CACNA1B: variants seen among roughly 807,000 people sequenced by gnomAD.
The protein encoded by CACNA1B is voltage-dependent N-type calcium channel subunit alpha-1B.
A neutral mutation model predicts 247.2 loss-of-function variants in CACNA1B; 70 were observed. The ratio of observed to expected loss-of-function variants is 0.28; its 90% CI spans 0.23 to 0.35. The LOEUF (loss-of-function observed/expected upper bound fraction) is 0.35, where lower values mean the gene tolerates loss of function less well. CACNA1B is among the 10% of genes least tolerant of loss of function. The pLI, the probability that CACNA1B is intolerant of heterozygous loss-of-function variation, is 1.00. For synonymous variants in CACNA1B, 1,231 were observed against 1,294.4 expected, an observed-to-expected ratio of 0.95 and a Z score of 1.05; for missense variants, 2,367 against 3,197.4, an observed-to-expected ratio of 0.74 and a Z score of 6.26.
At chr9:138,039,563 C>T (rs1959091382) in intron 20 of CACNA1B, among the ~76,000 whole-genome samples, 1 of 151,774 alleles carries the variant, frequency 6.6e-6, no homozygotes, top group Admixed American at 6.6e-5. Flanking sequence ...CATTTTTGAC[C>T]CATGAATTCT....
chr9:138,098,106 C>T (rs564152688), intron 37 of CACNA1B, among the ~76,000 whole-genome samples: 1 of 152,298 alleles, frequency 6.6e-6, no homozygotes, highest in East Asian at 1.9e-4. Context: ...ACAGTTTTTA[C>T]GCAGTGCAAA....
intron 36 of CACNA1B, among the ~76,000 whole-genome samples, chr9:138,089,958 A>T (rs1960823624): frequency 6.6e-6 from 1 of 152,228 alleles, no homozygotes; most frequent in African/African-American, 2.4e-5. Context: ...AGGACACACA[A>T]AAAATAGAAA....
rs868716146 is a variant in CACNA1B, at chr9:137,954,883, A to G, written c.1071-815A>G. ...GTGTGTGTGTGTGTGTGTGTGTGAG[A>G]GAGAGAGAGAGAGAGAGAGGGGGAG... is the stretch of plus-strand genomic sequence containing the variant. On this transcript the variant is annotated intron_variant, in intron 7 of 46. Transcript: ENST00000371372. This position sits in a 1 kb window ranked among gnomAD's most constrained non-coding sequence, Gnocchi z 4.1. Among the ~76,000 whole-genome samples, 1 of 89,770 alleles carries G rather than the reference A, an allele frequency of 1.1e-5. No individual in the cohort carries two copies. The highest frequency in any genetic ancestry group is 1.0e-4 in the African/African-American group (1 of 9,980). The allele number at this position is 89,770 out of a possible 152,430, so 58.9% of individuals were successfully genotyped here.
chr9:137,916,648 C>A (rs1310872048), intron 5 of CACNA1B, among the ~76,000 whole-genome samples: 1 of 152,238 alleles, frequency 6.6e-6, no homozygotes. Context: ...TTGGGACTGG[C>A]CAAGGGCCTC....
rs1957862998 is a variant in CACNA1B, at chr9:137,950,168, G to A, written c.967-2106G>A. Among the ~76,000 whole-genome samples the A allele has an allele frequency of 6.6e-6, 1 of 152,192 alleles. No homozygotes were observed. Among genetic ancestry groups the A allele is most frequent in the South Asian group, 2.1e-4 (1 of 4,830 alleles). ...AGCGTGTTCTCCTTACTGCTGGGCGGGGGTGGCCGGTCTGGCTCCCCACCA... is the reference window on the plus strand; with the variant it reads ...AGCGTGTTCTCCTTACTGCTGGGCGAGGGTGGCCGGTCTGGCTCCCCACCA... On this transcript the variant is annotated intron_variant, in intron 6 of 46. Coordinates refer to ENST00000371372, the MANE Select transcript of CACNA1B (RefSeq NM_000718.4). The surrounding 1 kb of genome is among the most constrained non-coding windows in gnomAD (Gnocchi z 4.8).
intron 15 of CACNA1B, 25 bp from the exon 16 acceptor site, chr9:138,006,742 C>T (rs761688092): frequency 7.2e-7 from 1 of 1,381,912 alleles, no homozygotes. Context: ...TGGGGGCTTG[C>T]CCTGTGTTCT....
At chr9:138,029,708 T>G (rs1344539319) in intron 20 of CACNA1B, among the ~76,000 whole-genome samples, 2 of 151,394 alleles carry the variant, frequency 1.3e-5, no homozygotes, top group South Asian at 2.1e-4. Context: ...TCTCCCGGGT[T>G]CAAAGTGATT....
At chr9:138,120,596 C>T (rs1315011596) in intron 45 of CACNA1B, 35 bp from the exon 46 acceptor site, 1 of 1,472,490 alleles carries the variant, frequency 6.8e-7, no homozygotes, top group South Asian at 1.4e-5. Context: ...CTGCCTTGGG[C>T]CTGGCCGTGC....
chr9:137,931,437 G>A (rs557885302), intron 6 of CACNA1B, among the ~76,000 whole-genome samples: 68 of 152,114 alleles, frequency 4.5e-4, no homozygotes, highest in Non-Finnish European at 5.7e-4. Flanking sequence ...GTTGCAAAGG[G>A]AGTAGCCTCT....
chr9:138,120,746 ATCC>A lies in CACNA1B; in HGVS notation c.6363_6365del (p.Ser2122del), dbSNP rs767440729. 2.1e-5 allele frequency: 32 copies of A among 1,547,368 alleles called. No individual in the cohort carries two copies. In the South Asian group the frequency reaches 3.2e-4, roughly 16 times the overall value. On this transcript the variant is annotated inframe_deletion, in exon 46 of 47. Transcript: ENST00000371372. ...GGTCCCAGGAGCGGAGGCAGCCCTC[ATCC>A]TCCTCCTCGGAGAAGCAGCGCTTCT...
rs796152481 is a variant in CACNA1B, at chr9:138,087,553, A to G, written c.5095-8931A>G. On this transcript the variant is annotated intron_variant, in intron 36 of 46. Transcript: ENST00000371372. The stretch of plus-strand genomic sequence containing the variant: ...AACATGGTGAAACCCCGTCTCTACT[A>G]AAAATACAAAAATTAGCCGTGTGTG... Among the ~76,000 whole-genome samples the G allele has an allele frequency of 2.8e-5, 4 of 143,412 alleles. 1 individual carries two copies. The highest frequency in any genetic ancestry group is 1.1e-4 in the African/African-American group (4 of 36,602). The allele number at this position is 143,412 out of a possible 152,430, so 94.1% of individuals were successfully genotyped here.
At chr9:138,067,956 G>C (rs1308598581) in intron 31 of CACNA1B, among the ~76,000 whole-genome samples, 1 of 152,238 alleles carries the variant, frequency 6.6e-6, no homozygotes, top group East Asian at 1.9e-4. Context: ...CCAGTTGTTA[G>C]GGTCTCTGCT....
intron 10 of CACNA1B, among the ~76,000 whole-genome samples, chr9:137,968,945 G>A (rs574956370): frequency 2.2e-4 from 34 of 152,314 alleles, no homozygotes; most frequent in African/African-American, 7.9e-4. Context: ...GTGAACCCTG[G>A]AAAATGCAGG....
rs200119175 is a variant in CACNA1B, at chr9:138,115,655, C to T, written c.5753C>T (p.Thr1918Ile). The T allele has an allele frequency of 1.5e-5, 24 of 1,613,436 alleles. No homozygotes were observed. Among genetic ancestry groups the T allele is most frequent in the South Asian group, 2.2e-5 (2 of 90,982 alleles). The change falls in exon 42 of 47, where the codon ACC (threonine) becomes ATC (isoleucine). Residue 1918 changes from threonine to isoleucine, a missense_variant. This residue lies in a region of CACNA1B where 773 missense variants were observed against 779.4 expected (regional missense o/e 0.99). Transcript: ENST00000371372. ...GTTTTCCTTCGACAGAAGAGTTCCACCTCCCTCAGCAATGGCGGGGCCATG... is the reference window on the plus strand; with the variant it reads ...GTTTTCCTTCGACAGAAGAGTTCCATCTCCCTCAGCAATGGCGGGGCCATG... ...ARVFLRQKSSTSLSNGGAIQN... is the reference protein window; with the variant it reads ...ARVFLRQKSSISLSNGGAIQN...
Position 137,957,489 on chromosome 9 carries a change from C to A in CACNA1B, c.1244-109C>A. The A allele has an allele frequency of 1.4e-6, 1 of 707,278 alleles. No individual in the cohort carries two copies. The highest frequency in any genetic ancestry group is 2.3e-6 in the Non-Finnish European group (1 of 444,222). 43.8% of individuals were successfully genotyped at this position (707,278 alleles called of 1,614,324 possible). A position where few individuals can be genotyped will look rare whatever the true frequency, so the allele number is the denominator to read the frequency against. ...CCTCAGCCCCAGTTCAGGACAGGAGCTCAGGAGAGGTCACTGGTCCCAGGG... is the reference window on the plus strand; with the variant it reads ...CCTCAGCCCCAGTTCAGGACAGGAGATCAGGAGAGGTCACTGGTCCCAGGG... On this transcript the variant is annotated intron_variant, in intron 9 of 46. Transcript: ENST00000371372. The surrounding 1 kb of genome is among the most constrained non-coding windows in gnomAD (Gnocchi z 4.7).
intron 6 of CACNA1B, among the ~76,000 whole-genome samples, chr9:137,947,820 T>C (rs1169534440): frequency 2.0e-5 from 3 of 152,072 alleles, no homozygotes. Context: ...TTTCCCCATA[T>C]AGGTATGGTA....
chr9:138,043,697 G>A (rs1959158987), intron 20 of CACNA1B, 77 bp from the exon 21 acceptor site: 15 of 1,559,680 alleles, frequency 9.6e-6, no homozygotes, highest in Admixed American at 5.1e-5. Flanking sequence ...CCGGGGGCAT[G>A]GGAGCTGGGA....
intron 26 of CACNA1B, among the ~76,000 whole-genome samples, chr9:138,056,933 G>GTTTTTTTTTTTTT (rs138277172): frequency 1.8e-5 from 2 of 113,496 alleles, no homozygotes; most frequent in African/African-American, 3.8e-5. Context: ...TTTTATTTGG[G>GTTTTTTTTTTTTT]TTTTTTTTTT....
chr9:137,917,454 G>A lies in CACNA1B; in HGVS notation c.966+23G>A, dbSNP rs759351210. ...AATGTGAGTGGCGTCTTGGCCCTGG[G>A]CCTGAGGGCAGGCCCTGGACCTCCT... is the stretch of plus-strand genomic sequence containing the variant. On this transcript the variant is annotated intron_variant, in intron 6 of 46. Coordinates refer to ENST00000371372, the MANE Select transcript of CACNA1B (RefSeq NM_000718.4). The surrounding 1 kb of genome is among the most constrained non-coding windows in gnomAD (Gnocchi z 5.5). 1.2e-5 allele frequency: 20 copies of A among 1,606,162 alleles called. No homozygotes were observed. The highest frequency in any genetic ancestry group is 1.6e-5 in the Non-Finnish European group (19 of 1,175,178).
Sources: allele counts gnomAD v4.1 joint callset (sites outside exome capture counted in the v4.1 genomes callset), GRCh38; gene constraint gnomAD v4.1.1; regional missense constraint gnomAD v4.1.1; non-coding constraint Gnocchi (gnomAD v3.1); transcripts MANE v1.5; gene names NCBI Gene and HGNC (gene_info 2026-07-23, HGNC 2026-07-21).